TMEM135: variants seen among roughly 807,000 people sequenced by gnomAD.
The protein encoded by TMEM135 is peroxisomal membrane protein 52.
A neutral mutation model predicts 60.3 loss-of-function variants in TMEM135; 30 were observed. The observed-to-expected ratio is 0.50, with a 90% CI of 0.37 to 0.68. The LOEUF is 0.68. TMEM135 is among the 30% of genes least tolerant of loss of function. TMEM135 has a pLI of 0.00. For synonymous variants in TMEM135, 190 were observed against 186.7 expected, an observed-to-expected ratio of 1.02 and a Z score of -0.14; for missense variants, 468 against 548.8, an observed-to-expected ratio of 0.85 and a Z score of 1.47.
Position 87,321,671 on chromosome 11 carries a change from T to A in TMEM135, c.*338T>A, listed in dbSNP as rs1232665139. 1 of 482,904 alleles carries A rather than the reference T, an allele frequency of 2.1e-6. No individual in the cohort carries two copies. Among genetic ancestry groups the A allele is most frequent in the Non-Finnish European group, 4.0e-6 (1 of 247,034 alleles). 29.9% of individuals were successfully genotyped at this position (482,904 alleles called of 1,614,324 possible). A position where few individuals can be genotyped will look rare whatever the true frequency, so the allele number is the denominator to read the frequency against. On this transcript the variant is annotated 3_prime_UTR_variant, in exon 15 of 15. Coordinates refer to ENST00000305494, the MANE Select transcript of TMEM135 (RefSeq NM_022918.4). ...GTACACTTAAAATTACTTTAAAAGA[T>A]GTCTTTAGTTCATTCCAATATAATT...
Position 87,071,628 on chromosome 11 carries a change from A to G in TMEM135, c.362+13A>G, listed in dbSNP as rs777272468. On this transcript the variant is annotated intron_variant, in intron 3 of 14. Transcript: ENST00000305494. ...AAAGAAAAAGCAGGTAAAATTTCATATATTTATTTAACGGAACTGATTACC... is the reference window on the plus strand; with the variant it reads ...AAAGAAAAAGCAGGTAAAATTTCATGTATTTATTTAACGGAACTGATTACC... The G allele has an allele frequency of 7.5e-6, 12 of 1,609,950 alleles. No homozygotes were observed. Among genetic ancestry groups the G allele is most frequent in the East Asian group, 2.2e-5 (1 of 44,744 alleles).
At chr11:87,136,417 A>C (rs1938102053) in intron 4 of TMEM135, among the ~76,000 whole-genome samples, 1 of 152,002 alleles carries the variant, frequency 6.6e-6, no homozygotes, top group Non-Finnish European at 1.5e-5. Context: ...TTTTCTTAAG[A>C]ACATTTATAA....
At chr11:87,129,067 G>T in intron 4 of TMEM135, among the ~76,000 whole-genome samples, 1 of 147,046 alleles carries the variant, frequency 6.8e-6, no homozygotes, top group Non-Finnish European at 1.5e-5. Flanking sequence ...TGGAGCTTTT[G>T]TGTCTTCTAA....
chr11:87,083,941 A>T (rs1591005907), intron 3 of TMEM135, among the ~76,000 whole-genome samples: 1 of 152,142 alleles, frequency 6.6e-6, no homozygotes, highest in African/African-American at 2.4e-5. Flanking sequence ...CCTTATTTAT[A>T]GAACATATAA....
chr11:87,252,791 A>AAT (rs375507776), intron 6 of TMEM135, among the ~76,000 whole-genome samples: 32,370 of 105,426 alleles, frequency 0.31, 4,677 homozygotes, highest in Middle Eastern at 0.39. Context: ...AAAAAATTAA[A>AAT]ATATATATGT....
intron 5 of TMEM135, among the ~76,000 whole-genome samples, chr11:87,185,121 T>C (rs1939616902): frequency 6.6e-6 from 1 of 152,178 alleles, no homozygotes; most frequent in Non-Finnish European, 1.5e-5. Context: ...TCACTCTATG[T>C]AAATATTTCA....
intron 3 of TMEM135, among the ~76,000 whole-genome samples, chr11:87,086,885 C>A (rs1219259158): frequency 6.6e-6 from 1 of 152,198 alleles, no homozygotes; most frequent in East Asian, 1.9e-4. Flanking sequence ...TCTGCCTAGG[C>A]ATTTGACTGC....
At chr11:87,288,620 A>C (rs1005817829) in intron 6 of TMEM135, among the ~76,000 whole-genome samples, 1 of 152,162 alleles carries the variant, frequency 6.6e-6, no homozygotes, top group Non-Finnish European at 1.5e-5. Flanking sequence ...TTTCAGAATT[A>C]TAAATCATTT....
chr11:87,093,859 G>C (rs1857264356), intron 4 of TMEM135, among the ~76,000 whole-genome samples: 2 of 151,978 alleles, frequency 1.3e-5, no homozygotes, highest in Non-Finnish European at 2.9e-5. Context: ...TGCTGAACCT[G>C]TCCAGTAAAA....
At chr11:87,040,507 A>G (rs1949741150) in intron 1 of TMEM135, among the ~76,000 whole-genome samples, 2 of 152,166 alleles carry the variant, frequency 1.3e-5, no homozygotes, top group Admixed American at 6.5e-5. Context: ...TACGAAAAAT[A>G]TAAAATTAGC....
intron 5 of TMEM135, among the ~76,000 whole-genome samples, chr11:87,196,170 A>G (rs1939951727): frequency 6.6e-6 from 1 of 152,182 alleles, no homozygotes; most frequent in Non-Finnish European, 1.5e-5. Context: ...ATGTTGGAAC[A>G]ATATTTGTGA....
At chr11:87,177,996 C>G (rs1433945346) in intron 5 of TMEM135, among the ~76,000 whole-genome samples, 1 of 152,170 alleles carries the variant, frequency 6.6e-6, no homozygotes, top group African/African-American at 2.4e-5. Context: ...TGCCCTCTCC[C>G]TGTAGAGTCA....
intron 4 of TMEM135, among the ~76,000 whole-genome samples, chr11:87,156,991 C>T (rs632708): frequency 0.37 from 55,753 of 151,422 alleles, 10,774 homozygotes; most frequent in East Asian, 0.67. Context: ...TTCTGGGGTA[C>T]AATTTATAAC....
At chr11:87,272,046 CT>C (rs1219562499) in intron 6 of TMEM135, among the ~76,000 whole-genome samples, 5 of 69,666 alleles carry the variant, frequency 7.2e-5, no homozygotes, top group Admixed American at 6.0e-4. Context: ...CTTTCTTTTT[CT>C]TTTCTTTTTT....
chr11:87,237,787 G>A (rs1013533732), intron 6 of TMEM135, among the ~76,000 whole-genome samples: 5 of 151,552 alleles, frequency 3.3e-5, no homozygotes, highest in Non-Finnish European at 5.9e-5. Flanking sequence ...TCCTGTACCC[G>A]TTAATCACCC....
intron 6 of TMEM135, among the ~76,000 whole-genome samples, chr11:87,269,660 C>G (rs1049894303): frequency 4.2e-4 from 64 of 151,602 alleles, no homozygotes; most frequent in African/African-American, 1.5e-3. Context: ...CATGTCCCTA[C>G]AAAGGACATG....
intron 6 of TMEM135, among the ~76,000 whole-genome samples, chr11:87,267,788 G>C (rs901525439): frequency 2.0e-5 from 3 of 152,076 alleles, no homozygotes; most frequent in Non-Finnish European, 4.4e-5. Context: ...CACCTCCCGG[G>C]TTCAAGTGAT....
chr11:87,065,070 A>C (rs1856622397), intron 1 of TMEM135, among the ~76,000 whole-genome samples: 1 of 152,062 alleles, frequency 6.6e-6, no homozygotes, highest in Admixed American at 6.6e-5. Flanking sequence ...GCTATATCAC[A>C]ATTTGTTAAA....
At chr11:87,102,694 A>ATATATATG (rs1857484208) in intron 4 of TMEM135, among the ~76,000 whole-genome samples, 3 of 92,846 alleles carry the variant, frequency 3.2e-5, no homozygotes, top group African/African-American at 1.6e-4. Context: ...ATGTGTGTGT[A>ATATATATG]TATATATATG....
Sources: allele counts gnomAD v4.1 joint callset (sites outside exome capture counted in the v4.1 genomes callset), GRCh38; gene constraint gnomAD v4.1.1; transcripts MANE v1.5; gene names NCBI Gene and HGNC (gene_info 2026-07-23, HGNC 2026-07-21).